Variants in MARCHF1 observed in about 807,000 individuals in gnomAD.
MARCHF1 encodes the protein E3 ubiquitin-protein ligase MARCHF1.
Under a neutral mutation model 54.2 loss-of-function variants are expected in MARCHF1, and 40 were observed. That is an observed-to-expected ratio of 0.74 (90% confidence interval 0.57 to 0.96). The LOEUF (loss-of-function observed/expected upper bound fraction) is 0.96. Ranked by LOEUF, MARCHF1 falls within the 40% of genes least tolerant of loss-of-function variation. MARCHF1 has a pLI of 0.00. For synonymous variants in MARCHF1, 236 were observed against 236.3 expected (o/e 1.00, Z 0.01); for missense variants, 586 against 656.5 (o/e 0.89, Z 1.17).
chr4:163,604,682 A>G (rs1011931415), intron 7 of MARCHF1, among the ~76,000 whole-genome samples: 6 of 152,082 alleles, frequency 3.9e-5, no homozygotes, highest in Admixed American at 2.6e-4. Flanking sequence ...ATTCCTAACT[A>G]TGGTTGATAA....
chr4:163,700,697 C>T (rs149678751), intron 5 of MARCHF1, 116 bp downstream of exon 5: 8,342 of 765,974 alleles, frequency 0.011, 97 homozygotes, highest in Middle Eastern at 0.018. Context: ...AAACCATGAA[C>T]AAATCACATT....
chr4:164,035,542 C>T (rs1355933981), intron 2 of MARCHF1, among the ~76,000 whole-genome samples: 6 of 149,238 alleles, frequency 4.0e-5, no homozygotes, highest in Non-Finnish European at 5.9e-5. Flanking sequence ...TGTCTCTTTT[C>T]TTTTTCATTG....
At chr4:163,639,028 G>A (rs956153380) in intron 5 of MARCHF1, among the ~76,000 whole-genome samples, 6 of 152,068 alleles carry the variant, frequency 3.9e-5, no homozygotes, top group Non-Finnish European at 7.4e-5. Flanking sequence ...CCAGAGACTG[G>A]AGGGCAGTGG....
intron 4 of MARCHF1, among the ~76,000 whole-genome samples, chr4:163,811,018 T>A (rs1164748868): frequency 6.6e-6 from 1 of 152,136 alleles, no homozygotes; most frequent in African/African-American, 2.4e-5. Flanking sequence ...GCTTAAGAAG[T>A]TTCACTACAG....
intron 1 of MARCHF1, among the ~76,000 whole-genome samples, chr4:164,268,010 G>A (rs1733652021): frequency 6.6e-6 from 1 of 151,848 alleles, no homozygotes; most frequent in Non-Finnish European, 1.5e-5. Context: ...AATCCTCTCT[G>A]GACAAATAAA....
At chr4:164,060,083 T>C (rs888371259) in intron 2 of MARCHF1, among the ~76,000 whole-genome samples, 1 of 152,150 alleles carries the variant, frequency 6.6e-6, no homozygotes, top group Non-Finnish European at 1.5e-5. Context: ...ATATTCAAAT[T>C]ATTTCAGCTT....
chr4:163,873,096 AT>A (rs1278855724), intron 3 of MARCHF1, among the ~76,000 whole-genome samples: 1 of 152,016 alleles, frequency 6.6e-6, no homozygotes, highest in Non-Finnish European at 1.5e-5. Context: ...AACAAAAAAA[AT>A]GATGAAGTCA....
rs141165927 is a variant in MARCHF1, at chr4:163,919,752, A to G, written c.-38-65583T>C. Among the ~76,000 whole-genome samples the G allele has an allele frequency of 3.6e-3, 555 of 152,262 alleles. 6 individuals are homozygous for G. The highest frequency in any genetic ancestry group is 0.013 in the African/African-American group (533 of 41,578). ...GGAAAATGTTTTAATAATTCAAAAT[A>G]TCCAGAGATATTTTAACAGTATCTT... On this transcript the variant is annotated intron_variant, in intron 3 of 9. Coordinates refer to ENST00000514618, the MANE Select transcript of MARCHF1 (RefSeq NM_001394959.1).
intron 3 of MARCHF1, among the ~76,000 whole-genome samples, chr4:163,903,623 T>TTTC: frequency 6.6e-6 from 1 of 151,844 alleles, no homozygotes. Flanking sequence ...TTCTTTCTTT[T>TTTC]TTTTGAGACA....
At chr4:164,180,080 C>T (rs1226170512) in intron 1 of MARCHF1, among the ~76,000 whole-genome samples, 1 of 151,334 alleles carries the variant, frequency 6.6e-6, no homozygotes, top group African/African-American at 2.4e-5. Context: ...AATTACAAGA[C>T]TTTAATAAAG....
chr4:163,731,774 C>T (rs4691101), intron 4 of MARCHF1, among the ~76,000 whole-genome samples: 73,868 of 152,010 alleles, frequency 0.49, 18,044 homozygotes, highest in African/African-American at 0.52. Flanking sequence ...TAGTGTCTGC[C>T]GTTAATCACC....
intron 1 of MARCHF1, among the ~76,000 whole-genome samples, chr4:164,254,810 G>A (rs916097709): frequency 6.6e-6 from 1 of 152,148 alleles, no homozygotes; most frequent in Non-Finnish European, 1.5e-5. Context: ...AAGCTGATTA[G>A]GTTGTGCCCA....
intron 1 of MARCHF1, among the ~76,000 whole-genome samples, chr4:164,192,060 A>T (rs1023492233): frequency 1.1e-4 from 16 of 152,134 alleles, no homozygotes; most frequent in African/African-American, 3.9e-4. Flanking sequence ...GAACGATTGT[A>T]CCTCACTAAG....
intron 4 of MARCHF1, among the ~76,000 whole-genome samples, chr4:163,818,000 T>C (rs1323468797): frequency 6.8e-6 from 1 of 146,844 alleles, no homozygotes; most frequent in Non-Finnish European, 1.5e-5. Flanking sequence ...TTAGGAGATA[T>C]ACCTAATGCT....
chr4:163,531,414 A>G (rs1335606420), intron 9 of MARCHF1, among the ~76,000 whole-genome samples: 1 of 151,862 alleles, frequency 6.6e-6, no homozygotes, highest in Non-Finnish European at 1.5e-5. Context: ...ACAAAATACG[A>G]CGCTCAATCA....
intron 4 of MARCHF1, among the ~76,000 whole-genome samples, chr4:163,834,862 CATA>C (rs1749136157): frequency 6.6e-6 from 1 of 151,916 alleles, no homozygotes; most frequent in Non-Finnish European, 1.5e-5. Flanking sequence ...TAGAGATGCA[CATA>C]ATTATTTATT....
chr4:164,073,612 T>G (rs1214892794), intron 2 of MARCHF1, among the ~76,000 whole-genome samples: 1 of 152,042 alleles, frequency 6.6e-6, no homozygotes, highest in Non-Finnish European at 1.5e-5. Flanking sequence ...AACCTGCACA[T>G]GTACCCCAGA....
chr4:163,924,805 T>A (rs1751504025), intron 3 of MARCHF1, among the ~76,000 whole-genome samples: 1 of 151,808 alleles, frequency 6.6e-6, no homozygotes, highest in Non-Finnish European at 1.5e-5. Flanking sequence ...TGCTCTACTG[T>A]CTCTCTTTCC....
chr4:163,609,270 C>T (rs986355587), intron 7 of MARCHF1, among the ~76,000 whole-genome samples: 77 of 152,108 alleles, frequency 5.1e-4, no homozygotes, highest in African/African-American at 1.8e-3. Context: ...TGTAATTGAA[C>T]TCACTATGTC....
Sources: gnomAD v4.1 joint callset for allele counts (sites outside exome capture counted in the v4.1 genomes callset) on GRCh38, gnomAD v4.1.1 for gene constraint, MANE v1.5 for transcripts, NCBI Gene and HGNC (gene_info 2026-07-23, HGNC 2026-07-21) for gene names.